Variants in PGR observed in about 807,000 individuals in gnomAD.
PGR encodes the protein nuclear receptor subfamily 3 group C member 3.
PGR carries 25 observed loss-of-function variants against 76.1 expected under a neutral mutation model. The ratio of observed to expected loss-of-function variants is 0.33; its 90% CI spans 0.24 to 0.46. The LOEUF is 0.46. Ranked by LOEUF, PGR falls within the 20% of genes least tolerant of loss-of-function variation. PGR has a pLI of 1.00. For missense variants in PGR, 1,172 were observed against 1,225.3 expected (o/e 0.96, Z 0.65); for synonymous variants, 579 against 535.0 (o/e 1.08, Z -1.14).
Position 101,034,141 on chromosome 11 carries a change from C to T in PGR, c.*4975G>A, listed in dbSNP as rs2135368803. 1 of 229,064 alleles carries T rather than the reference C, an allele frequency of 4.4e-6. No homozygotes were observed. Among genetic ancestry groups the T allele is most frequent in the South Asian group, 1.8e-4 (1 of 5,490 alleles). The allele number at this position is 229,064 out of a possible 1,614,324, so 14.2% of individuals were successfully genotyped here. A position where few individuals can be genotyped will look rare whatever the true frequency, so the allele number is the denominator to read the frequency against. ...TTTATCGGTTAAAGCTTTCAACCAG[C>T]TTAAAAATAATGCCTCTCCCATGTC... is the stretch of plus-strand genomic sequence containing the variant. On this transcript the variant is annotated 3_prime_UTR_variant, in exon 8 of 8. Coordinates refer to ENST00000325455, the MANE Select transcript of PGR (RefSeq NM_000926.4).
chr11:101,092,595 G>A lies in PGR; in HGVS notation c.1790-719C>T, dbSNP rs11571178. Among the ~76,000 whole-genome samples the A allele has an allele frequency of 3.3e-5, 5 of 152,274 alleles. No individual in the cohort carries two copies. In the South Asian group the frequency reaches 6.2e-4, roughly 19 times the overall value. On this transcript the variant is annotated intron_variant, in intron 2 of 7. Transcript: ENST00000325455. ...CATCACCCTGGGGTCACTTTGTGTA[G>A]AGGAAACTATGGATGCCTTTAAAAA...
At chr11:101,071,063 C>T (rs747249444) in intron 3 of PGR, among the ~76,000 whole-genome samples, 1 of 152,152 alleles carries the variant, frequency 6.6e-6, no homozygotes, top group Non-Finnish European at 1.5e-5. Flanking sequence ...AGACACCTCA[C>T]ACAGGAGAGC....
At chr11:101,069,808 A>G (rs1860855231) in intron 3 of PGR, among the ~76,000 whole-genome samples, 1 of 152,112 alleles carries the variant, frequency 6.6e-6, no homozygotes, top group Non-Finnish European at 1.5e-5. Flanking sequence ...GAACAATGAG[A>G]ACACATGGAC....
intron 2 of PGR, among the ~76,000 whole-genome samples, chr11:101,098,594 C>T (rs904976616): frequency 2.0e-5 from 3 of 152,042 alleles, no homozygotes; most frequent in Non-Finnish European, 4.4e-5. Flanking sequence ...GTAGGTAAAT[C>T]TCTATAAGCC....
intron 4 of PGR, among the ~76,000 whole-genome samples, chr11:101,059,718 C>T (rs982341188): frequency 6.6e-6 from 1 of 151,214 alleles, no homozygotes; most frequent in Non-Finnish European, 1.5e-5. Flanking sequence ...TGCCTGTAGT[C>T]CCAGCTACCA....
intron 5 of PGR, 134 bp downstream of exon 5, chr11:101,051,289 TA>T: frequency 1.6e-6 from 1 of 636,254 alleles, no homozygotes. Flanking sequence ...GCTCCAAATA[TA>T]AAATTACCGT....
At chr11:101,045,281 T>A (rs1468153563) in intron 6 of PGR, among the ~76,000 whole-genome samples, 7 of 152,210 alleles carry the variant, frequency 4.6e-5, no homozygotes, top group African/African-American at 7.2e-5. Context: ...CTCTAGTATG[T>A]ACATCTATAT....
Position 101,035,817 on chromosome 11 carries a change from A to T in PGR, c.*3299T>A, listed in dbSNP as rs1013338205. On this transcript the variant is annotated 3_prime_UTR_variant, in exon 8 of 8. Transcript: ENST00000325455. ...AATTCAACCAAATATATCATAGCAC[A>T]TGGTGACATAAATAAAACAGTGAGA... is the stretch of plus-strand genomic sequence containing the variant. The T allele has an allele frequency of 4.3e-6, 1 of 231,722 alleles. No homozygotes were observed. Among genetic ancestry groups the T allele is most frequent in the African/African-American group, 2.2e-5 (1 of 45,254 alleles). 14.4% of individuals were successfully genotyped at this position (231,722 alleles called of 1,614,324 possible). A position where few individuals can be genotyped will look rare whatever the true frequency, so the allele number is the denominator to read the frequency against.
Position 101,030,858 on chromosome 11 carries a change from G to A in PGR, c.*8258C>T, listed in dbSNP as rs373241197. 12 of 194,904 alleles carry A rather than the reference G, an allele frequency of 6.2e-5. 1 individual carries two copies. In the South Asian group the frequency reaches 1.7e-3, roughly 28 times the overall value. The allele number at this position is 194,904 out of a possible 1,614,324, so 12.1% of individuals were successfully genotyped here. ...AGAAGCCTCCAGCACATAGCAAGAG[G>A]AAGTGAGAGGCTTTCATGATTCAGA... On this transcript the variant is annotated 3_prime_UTR_variant, in exon 8 of 8. Coordinates refer to ENST00000325455, the MANE Select transcript of PGR (RefSeq NM_000926.4).
chr11:101,037,042 C>T lies in PGR; in HGVS notation c.*2074G>A, dbSNP rs1317336155. On this transcript the variant is annotated 3_prime_UTR_variant, in exon 8 of 8. Coordinates refer to ENST00000325455, the MANE Select transcript of PGR (RefSeq NM_000926.4). ...AGTTCATTCTGAGAGGTGTCACTCT[C>T]ACAGAGGTAGATTTCCTGTAACTAT... 5.2e-6 allele frequency: 1 copy of T among 193,404 alleles called. No homozygotes were observed. Among genetic ancestry groups the T allele is most frequent in the East Asian group, 8.1e-5 (1 of 12,284 alleles). The allele number at this position is 193,404 out of a possible 1,614,324, so 12.0% of individuals were successfully genotyped here.
chr11:101,083,457 G>A (rs899912286), intron 3 of PGR, among the ~76,000 whole-genome samples: 5 of 152,182 alleles, frequency 3.3e-5, no homozygotes, highest in African/African-American at 7.2e-5. Context: ...CCTCAGAATC[G>A]TAGATCCATC....
chr11:101,042,685 T>C (rs1005476368), intron 6 of PGR, among the ~76,000 whole-genome samples: 6 of 152,166 alleles, frequency 3.9e-5, no homozygotes, highest in Non-Finnish European at 8.8e-5. Context: ...TCCAGCCACT[T>C]TGTTACACAG....
chr11:101,093,312 A>T (rs1047292095), intron 2 of PGR, among the ~76,000 whole-genome samples: 19 of 145,772 alleles, frequency 1.3e-4, no homozygotes, highest in African/African-American at 4.8e-4. Flanking sequence ...TTTGACTCTA[A>T]TTTTTTTTTT....
chr11:101,106,123 C>T lies in PGR; in HGVS notation c.1790-14247G>A, dbSNP rs1862154348. 2.0e-5 allele frequency among the ~76,000 whole-genome samples: 3 copies of T among 152,122 alleles called. No homozygotes were observed. In the South Asian group the frequency reaches 6.2e-4, roughly 32 times the overall value. Reference sequence around the variant, plus strand: ...ATGTAAGACTGCAAACCATAAAAATCCTAGAAGAAAACCTAGGCAACACTA... The same window carrying T: ...ATGTAAGACTGCAAACCATAAAAATTCTAGAAGAAAACCTAGGCAACACTA... On this transcript the variant is annotated intron_variant, in intron 2 of 7. Transcript: ENST00000325455.
At chr11:101,100,280 C>T (rs1227093094) in intron 2 of PGR, among the ~76,000 whole-genome samples, 1 of 152,082 alleles carries the variant, frequency 6.6e-6, no homozygotes, top group Non-Finnish European at 1.5e-5. Context: ...TAGCATTTCC[C>T]CTACTGGCAC....
At chr11:101,127,355 G>C in intron 1 of PGR, 79 bp downstream of exon 1, 1 of 1,137,032 alleles carries the variant, frequency 8.8e-7, no homozygotes, top group Non-Finnish European at 1.2e-6. Context: ...TGGGGCTGGG[G>C]CTGAGGGTTG....
rs77345244 is a variant in PGR, at chr11:101,037,831, C to A, written c.*1285G>T. On this transcript the variant is annotated 3_prime_UTR_variant, in exon 8 of 8. Coordinates refer to ENST00000325455, the MANE Select transcript of PGR (RefSeq NM_000926.4). ...TAATACCAAGACAGAGAGAAAATGT[C>A]ATTCAACTCTCAGTCAGCAAACACT... The A allele has an allele frequency of 1.3e-3, 299 of 223,342 alleles. No homozygotes were observed. The highest frequency in any genetic ancestry group is 6.1e-3 in the African/African-American group (275 of 44,894). The allele number at this position is 223,342 out of a possible 1,614,324, so 13.8% of individuals were successfully genotyped here.
chr11:101,041,852 A>G, intron 7 of PGR, 93 bp downstream of exon 7: 1 of 1,137,842 alleles, frequency 8.8e-7, no homozygotes, highest in South Asian at 1.3e-5. Flanking sequence ...AATCTGAGAA[A>G]ATCATACAAA....
rs1003047524 is a variant in PGR, at chr11:101,034,440, T to C, written c.*4676A>G. On this transcript the variant is annotated 3_prime_UTR_variant, in exon 8 of 8. Coordinates refer to ENST00000325455, the MANE Select transcript of PGR (RefSeq NM_000926.4). ...GTTTTTCTTTGCTTTGGTTATAGGATATTCAGAGAAGGTATGTATTGAATA... is the reference window on the plus strand; with the variant it reads ...GTTTTTCTTTGCTTTGGTTATAGGACATTCAGAGAAGGTATGTATTGAATA... The C allele has an allele frequency of 5.3e-6, 1 of 188,322 alleles. No individual in the cohort carries two copies. The highest frequency in any genetic ancestry group is 2.3e-5 in the African/African-American group (1 of 42,844). 11.7% of individuals were successfully genotyped at this position (188,322 alleles called of 1,614,324 possible).
Sources: allele counts gnomAD v4.1 joint callset (sites outside exome capture counted in the v4.1 genomes callset), GRCh38; gene constraint gnomAD v4.1.1; transcripts MANE v1.5; gene names NCBI Gene and HGNC (gene_info 2026-07-23, HGNC 2026-07-21).